Variants in YBEY observed in about 807,000 individuals in gnomAD.
YBEY encodes ybeY metalloendoribonuclease.
Under a neutral mutation model 13.5 loss-of-function variants are expected in YBEY, and 15 were observed. The observed-to-expected ratio is 1.11, with a 90% CI of 0.75 to 1.72. The LOEUF is 1.72. Ranked by LOEUF, YBEY falls within the 40% of genes most tolerant of loss-of-function variation. The pLI is 0.00. For synonymous variants in YBEY, 101 were observed against 83.1 expected (o/e 1.21, Z -1.17); for missense variants, 244 against 208.4 (o/e 1.17, Z -1.05).
chr21:46,298,434 C>T (rs1304347953), downstream of YBEY, among the ~76,000 whole-genome samples: 317 of 97,116 alleles, frequency 3.3e-3, 10 homozygotes, highest in African/African-American at 7.8e-3. Context: ...TTAATCCAAG[C>T]TTTTTTTTTT....
chr21:46,302,376 C>G (rs1254068150), downstream of YBEY: 1 of 1,097,918 alleles, frequency 9.1e-7, no homozygotes, highest in African/African-American at 1.6e-5. Context: ...GACTGTAGAC[C>G]TGAGCCAGGA....
At chr21:46,302,458 T>C, downstream of YBEY, 1 of 1,553,316 alleles carries the variant, frequency 6.4e-7, no homozygotes, top group East Asian at 2.3e-5. Flanking sequence ...TTCCTTGGCC[T>C]AGGGTTCTGC....
the YBEY span, among the ~76,000 whole-genome samples, chr21:46,312,611 T>C: frequency 1.3e-5 from 2 of 152,212 alleles, no homozygotes; most frequent in East Asian, 3.8e-4. Flanking sequence ...GCAGTAGCGG[T>C]TGGCCACCTT....
chr21:46,286,667 C>T (rs1176784143), intron 1 of YBEY: 2 of 356,636 alleles, frequency 5.6e-6, no homozygotes, highest in Non-Finnish European at 1.0e-5. Flanking sequence ...TCCGCTCCGC[C>T]CGCCTGGAGT....
At chr21:46,301,150 TTTTA>T (rs2082093847), downstream of YBEY, 2 of 807,848 alleles carry the variant, frequency 2.5e-6, no homozygotes, top group Non-Finnish European at 2.7e-6. Context: ...CACTTTTTTA[TTTTA>T]TTTTTGAGAC....
At position 46,291,365 on chromosome 21, in the gene YBEY, A is replaced by G; in HGVS notation, c.242A>G (p.Asp81Gly). The G allele has an allele frequency of 1.2e-6, 2 of 1,614,002 alleles. No individual in the cohort carries two copies. Among genetic ancestry groups the G allele is most frequent in the Non-Finnish European group, 1.7e-6 (2 of 1,180,008 alleles). The change falls in exon 3 of 5, where the codon GAT becomes GGT. Residue 81 changes from aspartate (D) to glycine (G), a missense_variant. Transcript: ENST00000397701. Reference sequence around the variant, plus strand: ...AAAGCAGGTGAATTTCCCCAGCCTGATTTTCCAGATGACTACAATTTGGGA... The same window carrying G: ...AAAGCAGGTGAATTTCCCCAGCCTGGTTTTCCAGATGACTACAATTTGGGA... Reference protein sequence around the residue: ...HLKAGEFPQPDFPDDYNLGDI... With the variant: ...HLKAGEFPQPGFPDDYNLGDI...
intron 3 of YBEY, among the ~76,000 whole-genome samples, chr21:46,292,508 TC>T (rs1230982582): frequency 2.0e-5 from 3 of 152,024 alleles, no homozygotes; most frequent in Admixed American, 1.3e-4. Context: ...ATTAAATTCC[TC>T]CCGTGGTTAG....
At chr21:46,295,550 T>A (rs1015906615) in intron 3 of YBEY, among the ~76,000 whole-genome samples, 4 of 152,016 alleles carry the variant, frequency 2.6e-5, no homozygotes, top group Non-Finnish European at 4.4e-5. Flanking sequence ...CCCTGTGGGC[T>A]TTAATCCAGC....
At chr21:46,287,325 G>T (rs1160202922) in intron 2 of YBEY, among the ~76,000 whole-genome samples, 1 of 151,944 alleles carries the variant, frequency 6.6e-6, no homozygotes, top group Non-Finnish European at 1.5e-5. Flanking sequence ...TCCCCAGTAG[G>T]TGGGACCACA....
At position 46,287,072 on chromosome 21, in the gene YBEY, C is replaced by A. The variant is rs747650454; in HGVS notation, c.159C>A (p.Ile53=). The change falls in exon 2 of 5, where the codon ATC becomes ATA. Residue 53 remains isoleucine (I), a synonymous_variant. Coordinates refer to ENST00000397701, the MANE Select transcript of YBEY (RefSeq NM_001314025.2). Reference sequence around the variant, plus strand: ...AGAATATTCAGCACATTAATAGAATCTACAGAGATAGAAATGTCCCAACCG... The same window carrying A: ...AGAATATTCAGCACATTAATAGAATATACAGAGATAGAAATGTCCCAACCG... ...DNKNIQHINR[I]YRDRNVPTDV... The A allele has an allele frequency of 1.4e-5, 22 of 1,613,056 alleles. No individual in the cohort carries two copies. In the South Asian group the frequency reaches 2.4e-4, roughly 18 times the overall value.
chr21:46,291,554 C>T (rs753434429), intron 3 of YBEY, 92 bp downstream of exon 3: 152 of 1,560,732 alleles, frequency 9.7e-5, no homozygotes, highest in African/African-American at 9.6e-5. Flanking sequence ...CATGTGTGTC[C>T]GTGGGTACCG....
chr21:46,300,450 T>G, downstream of YBEY: 2 of 214,144 alleles, frequency 9.3e-6, no homozygotes, highest in Non-Finnish European at 1.8e-5. Flanking sequence ...ACATTTTTAA[T>G]AGAAAGAAAG....
the YBEY span, among the ~76,000 whole-genome samples, chr21:46,304,033 T>G: frequency 9.3e-5 from 11 of 117,724 alleles, no homozygotes; most frequent in East Asian, 2.4e-4. Flanking sequence ...TTTTTTTTTT[T>G]TTTTTTTTTT....
chr21:46,291,545 A>G (rs1244972296), intron 3 of YBEY, 83 bp downstream of exon 3: 1 of 1,578,622 alleles, frequency 6.3e-7, no homozygotes, highest in Non-Finnish European at 8.6e-7. Context: ...CCCTGCATCC[A>G]TGTGTGTCCG....
the YBEY span, among the ~76,000 whole-genome samples, chr21:46,303,723 ATATATATATATATATATATATATT>A: frequency 8.8e-5 from 2 of 22,638 alleles, no homozygotes; most frequent in African/African-American, 2.1e-4. Context: ...ATATATATAT[ATATATATATATATATATATATATT>A]TTTTTTTTTT....
At chr21:46,305,110 C>T in the YBEY span, among the ~76,000 whole-genome samples, 5 of 152,126 alleles carry the variant, frequency 3.3e-5, no homozygotes, top group Non-Finnish European at 2.9e-5. Flanking sequence ...TCTGACACAT[C>T]GAACACAGTC....
At chr21:46,287,832 AAC>A (rs58984081) in intron 2 of YBEY, among the ~76,000 whole-genome samples, 61,804 of 151,364 alleles carry the variant, frequency 0.41, 13,165 homozygotes, top group Admixed American at 0.48. Context: ...CTCTACTAAA[AAC>A]ACAAAGAATT....
intron 2 of YBEY, among the ~76,000 whole-genome samples, chr21:46,288,562 C>T (rs970795859): frequency 1.3e-5 from 2 of 152,036 alleles, no homozygotes; most frequent in African/African-American, 2.4e-5. Flanking sequence ...GCCTGTAATC[C>T]CAGCTACTCG....
Position 46,297,548 on chromosome 21 carries a change from AAGG to A in YBEY, c.421_423del (p.Glu141del). 6 of 1,396,268 alleles carry A rather than the reference AAGG, an allele frequency of 4.3e-6. No homozygotes were observed. The highest frequency in any genetic ancestry group is 6.0e-5 in the East Asian group (2 of 33,434). The allele number at this position is 1,396,268 out of a possible 1,614,324, so 86.5% of individuals were successfully genotyped here. On this transcript the variant is annotated inframe_deletion, in exon 5 of 5. Transcript: ENST00000397701. ...GCTTCCTTCCTTCCAGATGTTCCAG[AAGG>A]AGAAGGCGGTGCTGGACGAGCTGGG...
Sources: gnomAD v4.1 joint callset for allele counts (sites outside exome capture counted in the v4.1 genomes callset) on GRCh38, gnomAD v4.1.1 for gene constraint, MANE v1.5 for transcripts, NCBI Gene and HGNC (gene_info 2026-07-23, HGNC 2026-07-21) for gene names.